TENM3: variants seen among roughly 807,000 people sequenced by gnomAD.
The protein encoded by TENM3 is teneurin transmembrane protein 3.
TENM3 carries 63 observed loss-of-function variants against 255.1 expected under a neutral mutation model. That is an observed-to-expected ratio of 0.25 (90% CI 0.20 to 0.30). The LOEUF (loss-of-function observed/expected upper bound fraction) is 0.30. Among genes scored for constraint, TENM3 ranks in the 10% least tolerant of loss-of-function variants. The probability of loss-of-function intolerance (pLI) is 1.00; values close to 1 mark genes in which losing one functional copy is unlikely to be tolerated. For missense variants in TENM3, 2,929 were observed against 3,461.1 expected, an observed-to-expected ratio of 0.85 and a Z score of 3.86; for synonymous variants, 1,306 against 1,322.3, an observed-to-expected ratio of 0.99 and a Z score of 0.27.
intron 3 of TENM3, among the ~76,000 whole-genome samples, chr4:182,483,344 TACC>T (rs1734382629): frequency 6.6e-6 from 1 of 152,194 alleles, no homozygotes; most frequent in Non-Finnish European, 1.5e-5. Context: ...TATCATTTAA[TACC>T]AGCACTTTAT....
At chr4:182,360,823 C>G (rs983917767) in intron 3 of TENM3, among the ~76,000 whole-genome samples, 5 of 152,070 alleles carry the variant, frequency 3.3e-5, no homozygotes, top group African/African-American at 1.2e-4. Flanking sequence ...GTCTCGATGG[C>G]CTTTACATTT....
intron 3 of TENM3, among the ~76,000 whole-genome samples, chr4:182,471,246 C>T (rs1733094157): frequency 1.3e-5 from 2 of 152,200 alleles, no homozygotes; most frequent in African/African-American, 2.4e-5. Context: ...GTGTTAGGAG[C>T]ATAAGTATGC....
chr4:182,455,085 C>T (rs1773759613), intron 3 of TENM3, among the ~76,000 whole-genome samples: 1 of 152,142 alleles, frequency 6.6e-6, no homozygotes, highest in South Asian at 2.1e-4. Context: ...TCCTTATCAT[C>T]ATGCTATGAA....
At chr4:181,816,880 G>A in the TENM3 span, among the ~76,000 whole-genome samples, 1 of 152,124 alleles carries the variant, frequency 6.6e-6, no homozygotes, top group Non-Finnish European at 1.5e-5. Context: ...ACTTTTTGGG[G>A]GACAAAAGTG....
At chr4:182,037,150 A>ATTTTTTTTTTTTTTTTTTTTTT in the TENM3 span, among the ~76,000 whole-genome samples, 1 of 144,682 alleles carries the variant, frequency 6.9e-6, no homozygotes, top group Admixed American at 6.8e-5. Context: ...AACTCCTTTT[A>ATTTTTTTTTTTTTTTTTTTTTT]TTTTTTTTTT....
intron 3 of TENM3, among the ~76,000 whole-genome samples, chr4:182,457,514 G>T (rs1310352319): frequency 6.8e-6 from 1 of 146,478 alleles, no homozygotes; most frequent in East Asian, 2.1e-4. Flanking sequence ...GGTTGTTAGT[G>T]AGAGGTTTGA....
chr4:182,461,143 C>T (rs1774292816), intron 3 of TENM3, among the ~76,000 whole-genome samples: 1 of 152,220 alleles, frequency 6.6e-6, no homozygotes, highest in Admixed American at 6.5e-5. Flanking sequence ...ATAATATCTT[C>T]ATTCACTTTC....
the TENM3 span, among the ~76,000 whole-genome samples, chr4:182,075,972 G>T: frequency 6.6e-6 from 1 of 152,024 alleles, no homozygotes; most frequent in Admixed American, 6.5e-5. Context: ...GGAGCACAGT[G>T]GTGTGATCAT....
the TENM3 span, among the ~76,000 whole-genome samples, chr4:181,565,435 T>C: frequency 6.6e-6 from 1 of 152,210 alleles, no homozygotes; most frequent in African/African-American, 2.4e-5. Flanking sequence ...TAGAGATACA[T>C]CAATCAGCAA....
At chr4:181,890,046 A>G in the TENM3 span, among the ~76,000 whole-genome samples, 1 of 152,172 alleles carries the variant, frequency 6.6e-6, no homozygotes, top group Non-Finnish European at 1.5e-5. Context: ...GCAGGCTACA[A>G]TCCATCAGCC....
the TENM3 span, among the ~76,000 whole-genome samples, chr4:181,865,649 A>G: frequency 6.6e-6 from 1 of 152,202 alleles, no homozygotes; most frequent in Non-Finnish European, 1.5e-5. Context: ...GTGACTCTCT[A>G]AGCTTTTTAG....
chr4:182,295,333 T>C (rs981688756), intron 1 of TENM3, among the ~76,000 whole-genome samples: 7 of 144,966 alleles, frequency 4.8e-5, no homozygotes, highest in Non-Finnish European at 1.0e-4. Flanking sequence ...AGTGATGCGA[T>C]CTCGGCTCAC....
At chr4:182,057,904 A>C in the TENM3 span, among the ~76,000 whole-genome samples, 1 of 152,014 alleles carries the variant, frequency 6.6e-6, no homozygotes, top group African/African-American at 2.4e-5. Flanking sequence ...AACCAAATAA[A>C]GGCCTCAAGT....
At chr4:182,519,474 T>A (rs1185225969) in intron 3 of TENM3, among the ~76,000 whole-genome samples, 1 of 152,204 alleles carries the variant, frequency 6.6e-6, no homozygotes. Flanking sequence ...AATTTTTCTT[T>A]CCCTCTCCAC....
chr4:181,558,649 T>C, the TENM3 span, among the ~76,000 whole-genome samples: 2 of 152,180 alleles, frequency 1.3e-5, no homozygotes, highest in Non-Finnish European at 2.9e-5. Context: ...ATGCCTGGGT[T>C]GTGAGGTTGC....
At chr4:181,707,506 T>G in the TENM3 span, among the ~76,000 whole-genome samples, 1 of 152,224 alleles carries the variant, frequency 6.6e-6, no homozygotes, top group Non-Finnish European at 1.5e-5. Flanking sequence ...TGGATCTTGG[T>G]CTTCTTATCG....
chr4:181,969,212 G>C, the TENM3 span, among the ~76,000 whole-genome samples: 1 of 152,006 alleles, frequency 6.6e-6, no homozygotes, highest in African/African-American at 2.4e-5. Context: ...GACTAACACT[G>C]GTGTTCATTG....
chr4:181,965,202 CCTT>C, the TENM3 span, among the ~76,000 whole-genome samples: 1 of 152,130 alleles, frequency 6.6e-6, no homozygotes, highest in Middle Eastern at 3.2e-3. Context: ...TTAACTTCCT[CCTT>C]ATTTTAAAAA....
At chr4:181,749,856 G>A in the TENM3 span, among the ~76,000 whole-genome samples, 2 of 151,980 alleles carry the variant, frequency 1.3e-5, no homozygotes, top group African/African-American at 4.8e-5. Flanking sequence ...TCCTTAACAA[G>A]GTGCTCTTAA....
Sources: gnomAD v4.1 joint callset for allele counts (sites outside exome capture counted in the v4.1 genomes callset) on GRCh38, gnomAD v4.1.1 for gene constraint, MANE v1.5 for transcripts, NCBI Gene and HGNC (gene_info 2026-07-23, HGNC 2026-07-21) for gene names.